The following UQCC1 variants were observed in gnomAD, a reference collection of about 807,000 sequenced individuals.
UQCC1 encodes the protein bFGF-repressed Zic-binding protein.
Under a neutral mutation model 48.0 loss-of-function variants are expected in UQCC1, and 38 were observed. That is an observed-to-expected ratio of 0.79 (90% CI 0.61 to 1.04). The LOEUF (loss-of-function observed/expected upper bound fraction) is 1.04, where lower values mean the gene tolerates loss of function less well. UQCC1 is among the 50% of genes least tolerant of loss of function. The pLI is 0.00. For synonymous variants in UQCC1, 111 were observed against 129.2 expected (o/e 0.86, Z 0.95); for missense variants, 368 against 381.8 (o/e 0.96, Z 0.30).
At chr20:35,342,229 C>G (rs2061388362) in intron 7 of UQCC1, among the ~76,000 whole-genome samples, 1 of 152,214 alleles carries the variant, frequency 6.6e-6, no homozygotes, top group Non-Finnish European at 1.5e-5. Flanking sequence ...CTACAGCCCA[C>G]TCCCATCCCT....
chr20:35,341,811 A>G (rs992667875), intron 7 of UQCC1, among the ~76,000 whole-genome samples: 1 of 152,180 alleles, frequency 6.6e-6, no homozygotes, highest in African/African-American at 2.4e-5. Flanking sequence ...AGAAATAGCA[A>G]GGAATTCAGC....
intron 5 of UQCC1, among the ~76,000 whole-genome samples, chr20:35,368,186 G>A (rs867926394): frequency 2.6e-5 from 4 of 152,162 alleles, no homozygotes; most frequent in African/African-American, 7.2e-5. Flanking sequence ...TGTACTAAAT[G>A]ATAACAAAGA....
intron 2 of UQCC1, chr20:35,386,168 G>C (rs1248971982): frequency 5.8e-6 from 2 of 345,296 alleles, no homozygotes; most frequent in Non-Finnish European, 1.1e-5. Context: ...AAACCAAAGA[G>C]TTATTTTGTT....
intron 4 of UQCC1, among the ~76,000 whole-genome samples, chr20:35,377,666 C>A (rs951244724): frequency 6.6e-6 from 1 of 152,188 alleles, no homozygotes; most frequent in African/African-American, 2.4e-5. Flanking sequence ...AATTTCTAAT[C>A]ATCTATTTCT....
At chr20:35,382,444 G>A (rs1345867893) in intron 3 of UQCC1, among the ~76,000 whole-genome samples, 1 of 150,920 alleles carries the variant, frequency 6.6e-6, no homozygotes, top group African/African-American at 2.4e-5. Flanking sequence ...CTTGGGCTGA[G>A]GGCATTTTTA....
At chr20:35,362,397 G>A (rs548467888) in intron 6 of UQCC1, among the ~76,000 whole-genome samples, 25 of 152,224 alleles carry the variant, frequency 1.6e-4, no homozygotes, top group Admixed American at 1.1e-3. Context: ...TCGCTCTGTC[G>A]TCTAGGCCGG....
At chr20:35,403,859 A>C (rs910603759) in intron 1 of UQCC1, among the ~76,000 whole-genome samples, 3 of 152,300 alleles carry the variant, frequency 2.0e-5, no homozygotes, top group Admixed American at 2.0e-4. Flanking sequence ...GGAATTGAAC[A>C]ATGAGAACAC....
intron 7 of UQCC1, among the ~76,000 whole-genome samples, chr20:35,323,869 T>C (rs1003609402): frequency 2.0e-5 from 3 of 152,238 alleles, no homozygotes; most frequent in African/African-American, 7.2e-5. Context: ...TGCTGTCCTC[T>C]CATCACAGAG....
At chr20:35,369,994 G>A (rs1237915893) in intron 5 of UQCC1, among the ~76,000 whole-genome samples, 2 of 152,100 alleles carry the variant, frequency 1.3e-5, no homozygotes, top group South Asian at 2.1e-4. Flanking sequence ...GACCACCTCT[G>A]CTCCAAAGTG....
intron 7 of UQCC1, among the ~76,000 whole-genome samples, chr20:35,330,756 C>A (rs1351151631): frequency 5.3e-5 from 8 of 151,864 alleles, no homozygotes; most frequent in Admixed American, 2.6e-4. Context: ...TGTGTTCACT[C>A]TTGGAAATTC....
intron 4 of UQCC1, among the ~76,000 whole-genome samples, chr20:35,374,976 T>C (rs1421429943): frequency 6.6e-6 from 1 of 152,124 alleles, no homozygotes; most frequent in Non-Finnish European, 1.5e-5. Context: ...AAAAATAAAT[T>C]ATTTAAGAGT....
In UQCC1 at chr20:35,347,377, C is replaced by T. The variant is rs552304348; in HGVS notation, c.465-105G>A. 4.5e-4 allele frequency: 613 copies of T among 1,356,224 alleles called. 1 individual carries two copies. In the African/African-American group the frequency reaches 8.4e-3, roughly 19 times the overall value. 84.0% of individuals were successfully genotyped at this position (1,356,224 alleles called of 1,614,324 possible). A position where few individuals can be genotyped will look rare whatever the true frequency, so the allele number is the denominator to read the frequency against. On this transcript the variant is annotated intron_variant, in intron 6 of 9. Transcript: ENST00000374385. ...TAAGAGTGAGTTTAGCAAAGGGCAC[C>T]AAATCAAACTGGAAGTGAACTTTTT... is the stretch of plus-strand genomic sequence containing the variant.
intron 2 of UQCC1, among the ~76,000 whole-genome samples, chr20:35,389,801 A>T (rs1210528120): frequency 6.6e-6 from 1 of 152,262 alleles, no homozygotes; most frequent in Non-Finnish European, 1.5e-5. Context: ...TGCAATTATC[A>T]TATAATCCAT....
chr20:35,407,656 C>T (rs960130306), intron 1 of UQCC1, among the ~76,000 whole-genome samples: 2 of 152,040 alleles, frequency 1.3e-5, no homozygotes, highest in African/African-American at 2.4e-5. Flanking sequence ...GAGGCCAAGG[C>T]GGGTGGATCA....
At chr20:35,331,714 A>G (rs993666754) in intron 7 of UQCC1, among the ~76,000 whole-genome samples, 1 of 152,224 alleles carries the variant, frequency 6.6e-6, no homozygotes, top group Non-Finnish European at 1.5e-5. Context: ...AGTGCCTGCT[A>G]TGTGCCTTAC....
chr20:35,388,453 T>A lies in UQCC1; in HGVS notation c.130-4320A>T, dbSNP rs1001328533. 1.8e-4 allele frequency among the ~76,000 whole-genome samples: 28 copies of A among 151,892 alleles called. 1 individual carries two copies. Among genetic ancestry groups the A allele is most frequent in the African/African-American group, 6.5e-4 (27 of 41,434 alleles). On this transcript the variant is annotated intron_variant, in intron 2 of 9. Coordinates refer to ENST00000374385, the MANE Select transcript of UQCC1 (RefSeq NM_018244.5). ...AACACAGAGATCCAGCTATTCCGGA[T>A]TTTTTGTAGAGATAGGGTCTTGCTA...
chr20:35,404,687 GAAAAAA>G (rs1266831168), intron 1 of UQCC1, among the ~76,000 whole-genome samples: 1 of 99,374 alleles, frequency 1.0e-5, no homozygotes, highest in East Asian at 2.9e-4. Context: ...GCTTGACTCT[GAAAAAA>G]AAAAAAAAAA....
At chr20:35,410,676 G>A (rs1305959616) in intron 1 of UQCC1, among the ~76,000 whole-genome samples, 2 of 83,016 alleles carry the variant, frequency 2.4e-5, no homozygotes, top group African/African-American at 8.6e-5. Flanking sequence ...CTGCACTCCA[G>A]CTTCGGCGAC....
chr20:35,348,420 C>T (rs146737273), intron 6 of UQCC1, among the ~76,000 whole-genome samples: 4 of 151,962 alleles, frequency 2.6e-5, no homozygotes, highest in African/African-American at 4.8e-5. Flanking sequence ...GACGGAGTCT[C>T]GCTCTGTCAC....
Sources: gnomAD v4.1 joint callset for allele counts (sites outside exome capture counted in the v4.1 genomes callset) on GRCh38, gnomAD v4.1.1 for gene constraint, MANE v1.5 for transcripts, NCBI Gene and HGNC (gene_info 2026-07-23, HGNC 2026-07-21) for gene names.